Variants in SORCS1 observed in about 807,000 individuals in gnomAD.
SORCS1 encodes sortilin related VPS10 domain containing receptor 1, also known as VPS10 domain-containing receptor SorCS1.
Under a neutral mutation model 146.1 loss-of-function variants are expected in SORCS1, and 60 were observed. The observed-to-expected ratio is 0.41, with a 90% CI of 0.33 to 0.51. The LOEUF (loss-of-function observed/expected upper bound fraction) is 0.51. Ranked by LOEUF, SORCS1 falls within the 20% of genes least tolerant of loss-of-function variation. The pLI is 0.21. For synonymous variants in SORCS1, 637 were observed against 584.0 expected (o/e 1.09, Z -1.31); for missense variants, 1,352 against 1,487.6 (o/e 0.91, Z 1.50).
At chr10:106,931,956 G>C (rs903781635) in intron 2 of SORCS1, among the ~76,000 whole-genome samples, 2 of 152,062 alleles carry the variant, frequency 1.3e-5, no homozygotes, top group Non-Finnish European at 1.5e-5. Flanking sequence ...ATATCTCATG[G>C]GGAAAAACAA....
chr10:106,850,424 A>G (rs1949512508), intron 2 of SORCS1, among the ~76,000 whole-genome samples: 2 of 152,016 alleles, frequency 1.3e-5, no homozygotes, highest in African/African-American at 4.8e-5. Context: ...AGGTGAGGCA[A>G]TGCCTCGCCC....
intron 24 of SORCS1, among the ~76,000 whole-genome samples, chr10:106,581,610 A>C (rs1337125273): frequency 1.3e-5 from 2 of 152,216 alleles, no homozygotes; most frequent in South Asian, 4.1e-4. Context: ...ACACACACAC[A>C]GAATACAGAA....
intron 18 of SORCS1, among the ~76,000 whole-genome samples, chr10:106,648,934 C>G (rs920866918): frequency 2.0e-4 from 30 of 152,088 alleles, no homozygotes; most frequent in African/African-American, 6.7e-4. Flanking sequence ...AGGAATGCAC[C>G]GACAGGCACC....
At chr10:106,914,883 T>C (rs1285317947) in intron 2 of SORCS1, among the ~76,000 whole-genome samples, 4 of 152,156 alleles carry the variant, frequency 2.6e-5, no homozygotes, top group South Asian at 4.2e-4. Context: ...ATGCTCAACA[T>C]TGATCTTGGA....
intron 1 of SORCS1, among the ~76,000 whole-genome samples, chr10:107,124,271 A>C (rs550110214): frequency 6.3e-4 from 96 of 152,210 alleles, no homozygotes; most frequent in African/African-American, 2.1e-3. Flanking sequence ...GCTGGCCTCC[A>C]AGTTCATGAC....
chr10:106,955,534 G>A (rs886194749), intron 2 of SORCS1, among the ~76,000 whole-genome samples: 11 of 152,306 alleles, frequency 7.2e-5, no homozygotes, highest in Admixed American at 3.3e-4. Flanking sequence ...TCTCTGGCTG[G>A]CGAAGAGGCA....
chr10:106,921,624 G>T (rs2138412888), intron 2 of SORCS1, among the ~76,000 whole-genome samples: 1 of 152,308 alleles, frequency 6.6e-6, no homozygotes, highest in Middle Eastern at 3.4e-3. Context: ...GACACAGGGA[G>T]TCGGGAGGAA....
intron 16 of SORCS1, among the ~76,000 whole-genome samples, chr10:106,668,723 A>G (rs1044860286): frequency 3.9e-5 from 6 of 152,200 alleles, no homozygotes; most frequent in Admixed American, 3.3e-4. Context: ...TGCACATACC[A>G]GCAGGATTTG....
intron 2 of SORCS1, among the ~76,000 whole-genome samples, chr10:106,876,964 A>G (rs1341667936): frequency 2.0e-5 from 3 of 152,176 alleles, no homozygotes; most frequent in African/African-American, 7.2e-5. Flanking sequence ...GAGGACAAAG[A>G]CTGTGCCTGT....
chr10:106,772,302 T>C (rs1018325113), intron 4 of SORCS1, among the ~76,000 whole-genome samples: 1 of 152,140 alleles, frequency 6.6e-6, no homozygotes, highest in African/African-American at 2.4e-5. Flanking sequence ...GACCAGGACT[T>C]ACACCATTGG....
rs1860331285 is a variant in SORCS1 at position 106,775,152 on chromosome 10, A to G, written c.885+1382T>C. ...TGCAAAGCTTTTACTTAGGCAGGTA[A>G]ATCTGGTCCTCGCTGTGCCTCTGGC... is the stretch of plus-strand genomic sequence containing the variant. On this transcript the variant is annotated intron_variant, in intron 4 of 25. Coordinates refer to ENST00000263054, the MANE Select transcript of SORCS1 (RefSeq NM_052918.5). Among the ~76,000 whole-genome samples the G allele has an allele frequency of 2.6e-5, 4 of 152,176 alleles. No homozygotes were observed. In the South Asian group the frequency reaches 8.3e-4, roughly 31 times the overall value.
intron 1 of SORCS1, among the ~76,000 whole-genome samples, chr10:106,982,689 A>G (rs544607679): frequency 1.8e-3 from 270 of 152,298 alleles, no homozygotes; most frequent in Non-Finnish European, 3.5e-3. Flanking sequence ...AGGAATCACT[A>G]TTACAGGTAA....
rs577881654 is a variant in SORCS1 at position 106,885,695 on chromosome 10, T to TC, written c.627-56023dup. 2.0e-3 allele frequency among the ~76,000 whole-genome samples: 297 copies of TC among 151,504 alleles called. 1 individual carries two copies. Among genetic ancestry groups the TC allele is most frequent in the African/African-American group, 4.3e-3 (179 of 41,268 alleles). The stretch of plus-strand genomic sequence containing the variant: ...AGCCATGTGATATTGTTTGGCTGTG[T>TC]CCCCCCCCAAATCTCATCTTGAATT... On this transcript the variant is annotated intron_variant, in intron 2 of 25. Transcript: ENST00000263054.
intron 5 of SORCS1, among the ~76,000 whole-genome samples, chr10:106,753,092 C>T (rs1174408931): frequency 6.6e-6 from 1 of 151,606 alleles, no homozygotes; most frequent in Non-Finnish European, 1.5e-5. Context: ...AAAAGCCATA[C>T]CCCCTTCCTA....
At chr10:106,664,601 C>CT in intron 17 of SORCS1, among the ~76,000 whole-genome samples, 2 of 152,142 alleles carry the variant, frequency 1.3e-5, no homozygotes, top group Admixed American at 6.5e-5. Flanking sequence ...GAGATCGTGC[C>CT]ACTGCACTCC....
intron 15 of SORCS1, among the ~76,000 whole-genome samples, chr10:106,672,439 G>C (rs1347080893): frequency 2.6e-5 from 4 of 152,132 alleles, no homozygotes; most frequent in African/African-American, 7.2e-5. Context: ...AAGGCAAAGG[G>C]GAAGAAGGAT....
chr10:106,910,488 C>T (rs1952099626), intron 2 of SORCS1, among the ~76,000 whole-genome samples: 1 of 152,104 alleles, frequency 6.6e-6, no homozygotes, highest in Non-Finnish European at 1.5e-5. Context: ...TTGCCTTAGA[C>T]AGGGGGTCAT....
At chr10:106,702,173 C>T (rs528119497) in intron 8 of SORCS1, among the ~76,000 whole-genome samples, 11 of 152,166 alleles carry the variant, frequency 7.2e-5, no homozygotes, top group Non-Finnish European at 1.2e-4. Flanking sequence ...AGAGCTGTTC[C>T]TGCCTTGACA....
At chr10:106,959,269 A>T (rs1955109782) in intron 1 of SORCS1, among the ~76,000 whole-genome samples, 1 of 152,242 alleles carries the variant, frequency 6.6e-6, no homozygotes, top group African/African-American at 2.4e-5. Flanking sequence ...CCAGAAGTAG[A>T]GTCCTTTATG....
Sources: gnomAD v4.1 joint callset for allele counts (sites outside exome capture counted in the v4.1 genomes callset) on GRCh38, gnomAD v4.1.1 for gene constraint, MANE v1.5 for transcripts, NCBI Gene and HGNC (gene_info 2026-07-23, HGNC 2026-07-21) for gene names.